Variants in ATG7 observed in about 807,000 individuals in gnomAD.
ATG7 encodes autophagy related 7.
ATG7 carries 70 observed loss-of-function variants against 82.4 expected under a neutral mutation model. That is an observed-to-expected ratio of 0.85 (90% CI 0.70 to 1.04). The LOEUF (loss-of-function observed/expected upper bound fraction) is 1.04. Among genes scored for constraint, ATG7 ranks in the 50% least tolerant of loss-of-function variants. The pLI is 0.00. For missense variants in ATG7, 792 were observed against 864.3 expected (o/e 0.92, Z 1.05); for synonymous variants, 287 against 313.0 (o/e 0.92, Z 0.88).
chr3:11,340,715 T>C lies in ATG7; in HGVS notation c.960T>C (p.Ser320=). Reference sequence around the variant, plus strand: ...TGGGACCAAGGATGGTGAACCTCAGTGAATGTATGGACCCTAAAAGGTATA... The same window carrying C: ...TGGGACCAAGGATGGTGAACCTCAGCGAATGTATGGACCCTAAAAGGTATA... The part of the protein sequence containing the change: ...GGMGPRMVNL[S]ECMDPKRLAE... The change falls in exon 12 of 21, where the codon AGT becomes AGC. Residue 320 remains serine (S), a synonymous_variant. Transcript: ENST00000693202. The C allele has an allele frequency of 6.2e-7, 1 of 1,613,676 alleles. No individual in the cohort carries two copies. The highest frequency in any genetic ancestry group is 1.1e-5 in the South Asian group (1 of 91,058).
chr3:11,439,257 T>C (rs11707150), intron 20 of ATG7, among the ~76,000 whole-genome samples: 77,626 of 151,144 alleles, frequency 0.51, 20,836 homozygotes, highest in East Asian at 0.68. Context: ...TTAGTAGGGA[T>C]GGGGTTTCGC....
intron 20 of ATG7, among the ~76,000 whole-genome samples, chr3:11,523,595 C>T (rs1453040540): frequency 1.3e-5 from 2 of 152,192 alleles, no homozygotes; most frequent in East Asian, 1.9e-4. Context: ...CCAGGCTTCA[C>T]GAAAACCTGA....
In ATG7 at chr3:11,440,674, CTTTTTTTTTTTTTT is replaced by C. The variant is rs72177700; in HGVS notation, c.2079+13761_2079+13774del. On this transcript the variant is annotated intron_variant, in intron 20 of 20. Coordinates refer to ENST00000693202, the MANE Select transcript of ATG7 (RefSeq NM_001349232.2). ...TTAGGGAAGAGTTGGTCCCCATTTG[CTTTTTTTTTTTTTT>C]TTTTTTTTTTTTGAGACGGACTTTC... Among the ~76,000 whole-genome samples, 10 of 39,492 alleles carry C rather than the reference CTTTTTTTTTTTTTT, an allele frequency of 2.5e-4. 1 individual carries two copies. In the East Asian group the frequency reaches 6.5e-3, roughly 26 times the overall value. 25.9% of individuals were successfully genotyped at this position (39,492 alleles called of 152,430 possible). A position where few individuals can be genotyped will look rare whatever the true frequency, so the allele number is the denominator to read the frequency against.
At chr3:11,441,476 T>C (rs2083954501) in intron 20 of ATG7, among the ~76,000 whole-genome samples, 1 of 151,902 alleles carries the variant, frequency 6.6e-6, no homozygotes. Flanking sequence ...ACTCGTGACC[T>C]CATGATCCAC....
chr3:11,374,522 A>G (rs978569410), intron 18 of ATG7, among the ~76,000 whole-genome samples: 2 of 152,226 alleles, frequency 1.3e-5, no homozygotes, highest in Non-Finnish European at 2.9e-5. Flanking sequence ...GGATTAGACA[A>G]TGGTTTCTTA....
chr3:11,467,981 T>C (rs2087011359), intron 20 of ATG7, among the ~76,000 whole-genome samples: 1 of 152,188 alleles, frequency 6.6e-6, no homozygotes, highest in Admixed American at 6.5e-5. Flanking sequence ...TGGGCAGAGT[T>C]GTTTTGCGTT....
chr3:11,413,538 GA>G (rs1321483665), intron 19 of ATG7, among the ~76,000 whole-genome samples: 1 of 152,008 alleles, frequency 6.6e-6, no homozygotes, highest in Non-Finnish European at 1.5e-5. Context: ...TTTAATATAA[GA>G]TATAATCTAA....
rs145078554 is a variant in ATG7 at position 11,298,727 on chromosome 3, C to G, written c.32C>G (p.Ser11Cys). 3 of 1,614,084 alleles carry G rather than the reference C, an allele frequency of 1.9e-6. No homozygotes were observed. The highest frequency in any genetic ancestry group is 2.5e-6 in the Non-Finnish European group (3 of 1,180,046). MAAATGDPGL[S>C]KLQFAPFSSA... is the part of the protein sequence containing the mutation. ...GCAGCTACGGGGGATCCTGGACTCT[C>G]TAAACTGCAGTTTGCCCCTTTTAGT... Residue 11 changes from serine to cysteine, a missense_variant, in exon 4 of 21, where the codon TCT (serine) becomes TGT (cysteine). Coordinates refer to ENST00000693202, the MANE Select transcript of ATG7 (RefSeq NM_001349232.2).
chr3:11,573,287 G>A, the ATG7 span, among the ~76,000 whole-genome samples: 1 of 9,946 alleles, frequency 1.0e-4, no homozygotes, highest in African/African-American at 7.0e-4. Flanking sequence ...AAGAAAGAAA[G>A]AAAGAAAGAA....
At chr3:11,475,905 A>ACACACC (rs1370585042) in intron 20 of ATG7, among the ~76,000 whole-genome samples, 7 of 150,112 alleles carry the variant, frequency 4.7e-5, no homozygotes, top group Admixed American at 1.3e-4. Context: ...ACACACACAC[A>ACACACC]CACCCCCTCC....
intron 18 of ATG7, among the ~76,000 whole-genome samples, chr3:11,371,225 T>C (rs1473321698): frequency 6.6e-6 from 1 of 151,110 alleles, no homozygotes; most frequent in Non-Finnish European, 1.5e-5. Context: ...AGGGAACATT[T>C]GTTTATTTGA....
intron 3 of ATG7, among the ~76,000 whole-genome samples, chr3:11,298,240 A>G (rs936248698): frequency 2.0e-5 from 3 of 152,156 alleles, no homozygotes; most frequent in Non-Finnish European, 4.4e-5. Context: ...GCCAATTAGG[A>G]TGGTTTTCAA....
chr3:11,360,304 C>T (rs2076208158), intron 15 of ATG7, among the ~76,000 whole-genome samples: 1 of 152,174 alleles, frequency 6.6e-6, no homozygotes, highest in South Asian at 2.1e-4. Context: ...CCTTGGCCTC[C>T]CAAAGTGCTG....
At position 11,339,017 on chromosome 3, in the gene ATG7, C is replaced by A. The variant is rs115584454; in HGVS notation, c.890-1628C>A. ...TGGACAAAGAAAACCAGTGTACAGG[C>A]CGGGCGTGGTAACTCATGCCTGTAA... On this transcript the variant is annotated intron_variant, in intron 11 of 20. Transcript: ENST00000693202. Among the ~76,000 whole-genome samples the A allele has an allele frequency of 4.8e-3, 727 of 152,220 alleles. 6 individuals carry two copies. Among genetic ancestry groups the A allele is most frequent in the African/African-American group, 0.017 (697 of 41,518 alleles).
intron 20 of ATG7, among the ~76,000 whole-genome samples, chr3:11,530,580 C>T (rs536817235): frequency 6.6e-6 from 1 of 152,320 alleles, no homozygotes; most frequent in East Asian, 1.9e-4. Flanking sequence ...AATGAATCCC[C>T]TCCTCTGAGA....
At chr3:11,346,663 C>T (rs1954601097) in intron 13 of ATG7, 1 of 152,230 alleles carries the variant, frequency 6.6e-6, no homozygotes, top group South Asian at 2.1e-4. Context: ...CCCAGAGTGC[C>T]TTCCTTGCTA....
chr3:11,458,646 G>C (rs2085994109), intron 20 of ATG7, among the ~76,000 whole-genome samples: 1 of 152,212 alleles, frequency 6.6e-6, no homozygotes, highest in Non-Finnish European at 1.5e-5. Context: ...CTGGAACTCA[G>C]TTCCCTCTAA....
At chr3:11,478,468 G>A (rs2088521329) in intron 20 of ATG7, among the ~76,000 whole-genome samples, 1 of 152,190 alleles carries the variant, frequency 6.6e-6, no homozygotes. Context: ...ATGATGATGT[G>A]GCTGTCATGG....
chr3:11,324,990 A>G (rs528739644), intron 9 of ATG7, among the ~76,000 whole-genome samples: 6 of 152,318 alleles, frequency 3.9e-5, no homozygotes, highest in African/African-American at 1.4e-4. Flanking sequence ...CTGTATTTTT[A>G]CTATACCTTC....
Sources: gnomAD v4.1 joint callset for allele counts (sites outside exome capture counted in the v4.1 genomes callset) on GRCh38, gnomAD v4.1.1 for gene constraint, MANE v1.5 for transcripts, NCBI Gene and HGNC (gene_info 2026-07-23, HGNC 2026-07-21) for gene names.